Variants in SLC5A9 observed in about 807,000 individuals in gnomAD.
SLC5A9 encodes the protein sodium/glucose cotransporter 4.
In SLC5A9, 59 loss-of-function variants were observed where a neutral mutation model predicts 70.9. The observed-to-expected ratio is 0.83, with a 90% CI of 0.68 to 1.03. The LOEUF (loss-of-function observed/expected upper bound fraction) is 1.03. SLC5A9 is among the 50% of genes least tolerant of loss of function. The pLI is 0.00. For synonymous variants in SLC5A9, 340 were observed against 346.5 expected (o/e 0.98, Z 0.21); for missense variants, 832 against 881.1 (o/e 0.94, Z 0.71).
Position 48,247,240 on chromosome 1 carries a change from C to T in SLC5A9, c.1838-95C>T, listed in dbSNP as rs537594891. ...ACTTTCCATCAGTATCTCACCATCT[C>T]TCTCCCTCCCCTACTCTCCTATCAC... On this transcript the variant is annotated intron_variant, in intron 13 of 13. Coordinates refer to ENST00000438567, the MANE Select transcript of SLC5A9 (RefSeq NM_001011547.3). 5 of 1,153,382 alleles carry T rather than the reference C, an allele frequency of 4.3e-6. No individual in the cohort carries two copies. The African/African-American group carries it at 7.6e-5, about 18-fold the overall frequency. The allele number at this position is 1,153,382 out of a possible 1,614,324, so 71.4% of individuals were successfully genotyped here.
chr1:48,244,826 A>ATATATATATTATATTTATAT (rs1644436226), intron 13 of SLC5A9, among the ~76,000 whole-genome samples: 1 of 63,788 alleles, frequency 1.6e-5, no homozygotes. Context: ...TATTTATATT[A>ATATATATATTATATTTATAT]TATATATAAA....
At chr1:48,231,921 T>A in intron 6 of SLC5A9, 25 bp from the exon 7 acceptor site, 1 of 1,613,858 alleles carries the variant, frequency 6.2e-7, no homozygotes, top group South Asian at 1.1e-5. Flanking sequence ...GTTTCAGGGC[T>A]GCTTCACTCA....
rs542709290 is a variant in SLC5A9 at position 48,233,904 on chromosome 1, C to T, written c.1141+142C>T. 468 of 663,674 alleles carry T rather than the reference C, an allele frequency of 7.1e-4. 5 individuals carry two copies. In the South Asian group the frequency reaches 8.0e-3, roughly 11 times the overall value. 41.1% of individuals were successfully genotyped at this position (663,674 alleles called of 1,614,324 possible). A position where few individuals can be genotyped will look rare whatever the true frequency, so the allele number is the denominator to read the frequency against. On this transcript the variant is annotated intron_variant, in intron 9 of 13. Transcript: ENST00000438567. ...CTGCACCCCCATCCCAACACATACA[C>T]ACACGTTTTACAGGCATTTGTACGT...
chr1:48,241,872 C>T, intron 12 of SLC5A9: 1 of 455,206 alleles, frequency 2.2e-6, no homozygotes, highest in Non-Finnish European at 4.4e-6. Context: ...ATTAGCCTCT[C>T]CCATGTCCCT....
intron 12 of SLC5A9, chr1:48,241,242 A>T (rs1325926170): frequency 6.6e-6 from 1 of 151,908 alleles, no homozygotes; most frequent in Non-Finnish European, 1.5e-5. Flanking sequence ...TACAGCCAAA[A>T]CCCCTCTCCC....
At position 48,232,398 on chromosome 1, in the gene SLC5A9, G is replaced by A; in HGVS notation, c.929G>A (p.Ser310Asn). The part of the protein sequence containing the change: ...VIVQRSLSAK[S>N]LSHAKGGSVL... The stretch of plus-strand genomic sequence containing the variant: ...GTGCAGCGGTCTCTCTCGGCCAAGA[G>A]TCTGTCTCATGCCAAGGGAGGCTCC... The change falls in exon 8 of 14, where the codon AGT becomes AAT. Residue 310 changes from serine (S) to asparagine (N), a missense_variant. Coordinates refer to ENST00000438567, the MANE Select transcript of SLC5A9 (RefSeq NM_001011547.3). The A allele has an allele frequency of 6.2e-7, 1 of 1,614,182 alleles. No individual in the cohort carries two copies.
chr1:48,227,375 ATG>A (rs1333837695), intron 2 of SLC5A9, among the ~76,000 whole-genome samples: 4 of 74,224 alleles, frequency 5.4e-5, no homozygotes, highest in Non-Finnish European at 7.5e-5. Context: ...GTGTGATTGC[ATG>A]TGTGAGAGTG....
chr1:48,243,657 C>G (rs986839148), intron 13 of SLC5A9, among the ~76,000 whole-genome samples: 2 of 151,674 alleles, frequency 1.3e-5, no homozygotes, highest in Admixed American at 1.3e-4. Context: ...ATCTGTATGC[C>G]AAATCCCAGT....
chr1:48,235,764 G>A lies in SLC5A9; in HGVS notation c.1177G>A (p.Ala393Thr), dbSNP rs1323631952. Residue 393 changes from alanine (A) to threonine (T), a missense_variant, in exon 10 of 14, where the codon GCT (alanine) becomes ACT (threonine). Ala to Thr is a moderately conservative substitution (Grantham distance 58). Transcript: ENST00000438567. ...RGLMIAVIMAALMSSLTSIFN... is the reference protein window; with the variant it reads ...RGLMIAVIMATLMSSLTSIFN... ...GCTGATGATTGCCGTGATCATGGCCGCTCTCATGAGCTCACTCACCTCCAT... is the reference window on the plus strand; with the variant it reads ...GCTGATGATTGCCGTGATCATGGCCACTCTCATGAGCTCACTCACCTCCAT... The A allele has an allele frequency of 6.2e-6, 10 of 1,614,044 alleles. 1 individual carries two copies. The highest frequency in any genetic ancestry group is 5.3e-5 in the African/African-American group (4 of 74,920).
intron 11 of SLC5A9, among the ~76,000 whole-genome samples, chr1:48,238,088 A>G (rs1644351949): frequency 6.6e-6 from 1 of 152,226 alleles, no homozygotes; most frequent in Non-Finnish European, 1.5e-5. Flanking sequence ...CTTGGCTGGC[A>G]GAGAGATAAC....
rs200114157 is a variant in SLC5A9 at position 48,232,530 on chromosome 1, T to G, written c.1033+28T>G. 98 of 1,612,982 alleles carry G rather than the reference T, an allele frequency of 6.1e-5. 1 individual carries two copies. The East Asian group carries it at 1.7e-3, about 29-fold the overall frequency. The stretch of plus-strand genomic sequence containing the variant: ...AAGAACGAGCCTTGCTCTCTGGGTA[T>G]TGGGATCTGAGGCTTTCAAGGAGTG... On this transcript the variant is annotated intron_variant, in intron 8 of 13. Transcript: ENST00000438567.
intron 13 of SLC5A9, among the ~76,000 whole-genome samples, chr1:48,247,116 A>T (rs1006717228): frequency 6.6e-6 from 1 of 152,198 alleles, no homozygotes; most frequent in Non-Finnish European, 1.5e-5. Context: ...GGCCAAGATC[A>T]GAACGTAGTC....
chr1:48,246,075 T>G (rs749636832), intron 13 of SLC5A9, among the ~76,000 whole-genome samples: 7 of 152,134 alleles, frequency 4.6e-5, no homozygotes, highest in Non-Finnish European at 8.8e-5. Flanking sequence ...ACGAATTTAT[T>G]GAGTTATGGC....
rs1644470942 is a variant in SLC5A9 at position 48,247,320 on chromosome 1, G to A, written c.1838-15G>A. 6.2e-7 allele frequency: 1 copy of A among 1,611,796 alleles called. No homozygotes were observed. Among genetic ancestry groups the A allele is most frequent in the African/African-American group, 1.3e-5 (1 of 74,626 alleles). On this transcript the variant is annotated splice_polypyrimidine_tract_variant and intron_variant, in intron 13 of 13. Transcript: ENST00000438567. The stretch of plus-strand genomic sequence containing the variant: ...CCCTCCTGCTCTCCTTTGTCTTCTG[G>A]CTTTGTCCCTCCAGCCCCAAGCAGG...
chr1:48,231,690 ACCTC>A, intron 6 of SLC5A9, 65 bp downstream of exon 6: 1 of 1,585,272 alleles, frequency 6.3e-7, no homozygotes, highest in South Asian at 1.2e-5. Flanking sequence ...TGTCTCTGCC[ACCTC>A]CACAGTTCGA....
chr1:48,231,554 T>C lies in SLC5A9; in HGVS notation c.620T>C (p.Met207Thr), dbSNP rs12047252. 0.022 allele frequency: 33,662 copies of C among 1,552,356 alleles called. 1,704 individuals carry two copies. Among genetic ancestry groups the C allele is most frequent in the East Asian group, 0.21 (9,354 of 43,602 alleles). ...TAVYTIAGGL[M>T]AVIYTDALQT... is the part of the protein sequence containing the mutation. ...CTCCTTGGGTCCCCAGGTGGCCTCA[T>C]GGCCGTGATCTACACAGATGCTCTG... Residue 207 changes from methionine (M) to threonine (T), a missense_variant, in exon 6 of 14, where the codon ATG becomes ACG. By Grantham distance (81) the Met-to-Thr change is moderately conservative. Coordinates refer to ENST00000438567, the MANE Select transcript of SLC5A9 (RefSeq NM_001011547.3).
intron 13 of SLC5A9, among the ~76,000 whole-genome samples, chr1:48,245,937 G>C (rs1264760691): frequency 6.6e-6 from 1 of 151,396 alleles, no homozygotes; most frequent in East Asian, 1.9e-4. Context: ...CTCCAGCCTG[G>C]GCAACAGAGT....
chr1:48,224,100 T>C (rs1319414610), intron 1 of SLC5A9, among the ~76,000 whole-genome samples: 1 of 152,226 alleles, frequency 6.6e-6, no homozygotes, highest in Admixed American at 6.5e-5. Context: ...CCCTACCCAC[T>C]GCCCTGCCCT....
At chr1:48,224,156 A>C (rs1644110988) in intron 1 of SLC5A9, among the ~76,000 whole-genome samples, 1 of 152,076 alleles carries the variant, frequency 6.6e-6, no homozygotes, top group South Asian at 2.1e-4. Flanking sequence ...CTAACTGACC[A>C]CCTACTGGTG....
Sources: allele counts gnomAD v4.1 joint callset (sites outside exome capture counted in the v4.1 genomes callset), GRCh38; gene constraint gnomAD v4.1.1; transcripts MANE v1.5; gene names NCBI Gene and HGNC (gene_info 2026-07-23, HGNC 2026-07-21).